Variants in TRPC7 observed in about 807,000 individuals in gnomAD.
TRPC7 encodes the protein transient receptor potential cation channel subfamily C member 7.
TRPC7 carries 42 observed loss-of-function variants against 90.1 expected under a neutral mutation model. The observed-to-expected ratio is 0.47, with a 90% confidence interval of 0.36 to 0.60. The LOEUF (loss-of-function observed/expected upper bound fraction) is 0.60, where lower values mean the gene tolerates loss of function less well. TRPC7 is among the 20% of genes least tolerant of loss of function. The pLI, the probability that TRPC7 is intolerant of heterozygous loss-of-function variation, is 0.00. For synonymous variants in TRPC7, 451 were observed against 436.3 expected (o/e 1.03, Z -0.42); for missense variants, 955 against 1,112.3 (o/e 0.86, Z 2.01).
intron 5 of TRPC7, 84 bp downstream of exon 5, chr5:136,266,134 GGA>G (rs1206014437): frequency 8.1e-7 from 1 of 1,236,682 alleles, no homozygotes; most frequent in Non-Finnish European, 1.2e-6. Context: ...ACACTGAAGA[GGA>G]GAGGGAGAAA....
At chr5:136,360,000 G>A (rs1225639544) in intron 1 of TRPC7, among the ~76,000 whole-genome samples, 1 of 152,148 alleles carries the variant, frequency 6.6e-6, no homozygotes, top group Non-Finnish European at 1.5e-5. Context: ...AGAAGAAGCT[G>A]CAATACAGCT....
At chr5:136,259,799 A>G (rs1483181902) in intron 5 of TRPC7, among the ~76,000 whole-genome samples, 1 of 152,196 alleles carries the variant, frequency 6.6e-6, no homozygotes, top group Non-Finnish European at 1.5e-5. Flanking sequence ...ATGGCTCTCC[A>G]GGATATATAT....
Position 136,247,346 on chromosome 5 carries a change from G to C in TRPC7, c.1844+125C>G. The C allele has an allele frequency of 9.4e-7, 1 of 1,066,448 alleles. No individual in the cohort carries two copies. Among genetic ancestry groups the C allele is most frequent in the South Asian group, 1.8e-5 (1 of 55,272 alleles). 66.1% of individuals were successfully genotyped at this position (1,066,448 alleles called of 1,614,324 possible). ...GAACTCTAAACCACCCTTGAATAAA[G>C]TTGCCTTTAACCTTGAGAGATAGCA... is the stretch of plus-strand genomic sequence containing the variant. On this transcript the variant is annotated intron_variant, in intron 7 of 11. Coordinates refer to ENST00000513104, the MANE Select transcript of TRPC7 (RefSeq NM_020389.3). The surrounding 1 kb of genome is among the most constrained non-coding windows in gnomAD (Gnocchi z 4.2).
intron 3 of TRPC7, among the ~76,000 whole-genome samples, chr5:136,301,294 T>C (rs142239969): frequency 0.046 from 6,966 of 150,500 alleles, 196 homozygotes; most frequent in Non-Finnish European, 0.069. Flanking sequence ...CCCAAAGTGC[T>C]GGGATTATAA....
At chr5:136,297,421 G>C (rs1037524936) in intron 3 of TRPC7, among the ~76,000 whole-genome samples, 1 of 152,082 alleles carries the variant, frequency 6.6e-6, no homozygotes, top group African/African-American at 2.4e-5. Flanking sequence ...GATGGGTTTA[G>C]TAGGGAATAA....
Position 136,249,615 on chromosome 5 carries a change from A to G in TRPC7, c.1580-1880T>C, listed in dbSNP as rs112316079. Reference sequence around the variant, plus strand: ...AGACACTCTTATAATCTACTCAGATAGATTTAGCTGTTGTCAGATCCTGGT... The same window carrying G: ...AGACACTCTTATAATCTACTCAGATGGATTTAGCTGTTGTCAGATCCTGGT... On this transcript the variant is annotated intron_variant, in intron 6 of 11. Transcript: ENST00000513104. 8.2e-3 allele frequency among the ~76,000 whole-genome samples: 1,246 copies of G among 152,322 alleles called. 15 individuals carry two copies. Among genetic ancestry groups the G allele is most frequent in the African/African-American group, 0.021 (880 of 41,580 alleles).
chr5:136,357,530 A>G (rs1760431964), intron 1 of TRPC7, 145 bp from the exon 2 acceptor site: 1 of 897,826 alleles, frequency 1.1e-6, no homozygotes, highest in South Asian at 1.9e-5. Flanking sequence ...TGTCTTAATC[A>G]TCAAGATTCA....
intron 2 of TRPC7, among the ~76,000 whole-genome samples, chr5:136,316,499 C>A (rs1289705733): frequency 6.6e-6 from 1 of 152,166 alleles, no homozygotes; most frequent in Non-Finnish European, 1.5e-5. Flanking sequence ...CTCCTTAAAT[C>A]ACCTGCCTGT....
intron 3 of TRPC7, among the ~76,000 whole-genome samples, chr5:136,302,733 C>G (rs1758443659): frequency 6.6e-6 from 1 of 152,216 alleles, no homozygotes; most frequent in South Asian, 2.1e-4. Context: ...ATGGCACTTT[C>G]AATGTTTCCA....
chr5:136,343,550 C>A (rs1374846597), intron 2 of TRPC7, among the ~76,000 whole-genome samples: 1 of 152,234 alleles, frequency 6.6e-6, no homozygotes, highest in South Asian at 2.1e-4. Flanking sequence ...TAGATCATAC[C>A]CTTTTGTCTA....
Position 136,274,957 on chromosome 5 carries a change from T to G in TRPC7, c.964-120A>C, listed in dbSNP as rs567225592. 1.0e-4 allele frequency: 116 copies of G among 1,142,290 alleles called. No individual in the cohort carries two copies. The Middle Eastern group carries it at 2.4e-3, about 24-fold the overall frequency. The allele number at this position is 1,142,290 out of a possible 1,614,324, so 70.8% of individuals were successfully genotyped here. On this transcript the variant is annotated intron_variant, in intron 3 of 11. Transcript: ENST00000513104. ...TGAAATGCTCCACCTGGGGGGTGGTTGAGGAACCTGCAGTGGGTGGGGATG... is the reference window on the plus strand; with the variant it reads ...TGAAATGCTCCACCTGGGGGGTGGTGGAGGAACCTGCAGTGGGTGGGGATG...
At chr5:136,272,265 C>G (rs1280974835) in intron 4 of TRPC7, among the ~76,000 whole-genome samples, 1 of 152,154 alleles carries the variant, frequency 6.6e-6, no homozygotes, top group Non-Finnish European at 1.5e-5. Context: ...GCTGCCAGCC[C>G]ATTAACAGAC....
chr5:136,222,464 T>C (rs1477620804), intron 10 of TRPC7, among the ~76,000 whole-genome samples: 1 of 152,038 alleles, frequency 6.6e-6, no homozygotes, highest in Non-Finnish European at 1.5e-5. Context: ...AGGGGGTGAA[T>C]TGGGCTGCTC....
intron 3 of TRPC7, among the ~76,000 whole-genome samples, chr5:136,298,348 A>T (rs904771117): frequency 9.9e-5 from 15 of 152,196 alleles, no homozygotes; most frequent in Admixed American, 5.9e-4. Flanking sequence ...GAGATCAGTG[A>T]GCAGGAGGGA....
At chr5:136,346,453 T>C (rs1760009588) in intron 2 of TRPC7, among the ~76,000 whole-genome samples, 1 of 152,114 alleles carries the variant, frequency 6.6e-6, no homozygotes, top group African/African-American at 2.4e-5. Context: ...CCCTCCCTCC[T>C]TTTATCTGTT....
intron 10 of TRPC7, among the ~76,000 whole-genome samples, chr5:136,222,326 G>A (rs908910304): frequency 6.6e-6 from 1 of 152,216 alleles, no homozygotes; most frequent in Admixed American, 6.5e-5. Flanking sequence ...AACTAAATGT[G>A]TGTGAACGAT....
chr5:136,315,897 G>T, intron 2 of TRPC7, 118 bp from the exon 3 acceptor site: 2 of 1,011,944 alleles, frequency 2.0e-6, no homozygotes, highest in Middle Eastern at 2.2e-4. Flanking sequence ...GAGCACATTG[G>T]ATGCACTTAT....
At chr5:136,218,095 A>T (rs1035638969) in intron 10 of TRPC7, among the ~76,000 whole-genome samples, 2 of 146,260 alleles carry the variant, frequency 1.4e-5, no homozygotes, top group African/African-American at 4.9e-5. Flanking sequence ...TATATGAGAT[A>T]TATAATATAT....
At chr5:136,322,148 G>T (rs1323404398) in intron 2 of TRPC7, among the ~76,000 whole-genome samples, 1 of 152,018 alleles carries the variant, frequency 6.6e-6, no homozygotes, top group African/African-American at 2.4e-5. Context: ...CCAAGAAGCT[G>T]GAATTACAGG....
Sources: allele counts gnomAD v4.1 joint callset (sites outside exome capture counted in the v4.1 genomes callset), GRCh38; gene constraint gnomAD v4.1.1; non-coding constraint Gnocchi (gnomAD v3.1); transcripts MANE v1.5; gene names NCBI Gene and HGNC (gene_info 2026-07-23, HGNC 2026-07-21).